UBQLN1: variants seen among roughly 807,000 people sequenced by gnomAD.
UBQLN1 encodes ubiquilin 1.
In UBQLN1, 13 loss-of-function variants were observed where a neutral mutation model predicts 65.4. The observed-to-expected ratio is 0.20, with a 90% CI of 0.13 to 0.32. The LOEUF (loss-of-function observed/expected upper bound fraction) is 0.32. Among genes scored for constraint, UBQLN1 ranks in the 10% least tolerant of loss-of-function variants. The pLI is 1.00. For synonymous variants in UBQLN1, 267 were observed against 247.8 expected, an observed-to-expected ratio of 1.08 and a Z score of -0.73; for missense variants, 561 against 724.0, an observed-to-expected ratio of 0.77 and a Z score of 2.58.
intron 1 of UBQLN1, among the ~76,000 whole-genome samples, chr9:83,705,310 G>T (rs1246113376): frequency 1.5e-5 from 2 of 137,862 alleles, no homozygotes; most frequent in Non-Finnish European, 3.0e-5. Context: ...TCGCAATCTC[G>T]GCTCACTGTA....
chr9:83,673,268 G>A (rs966123276), intron 6 of UBQLN1, among the ~76,000 whole-genome samples: 1 of 151,454 alleles, frequency 6.6e-6, no homozygotes, highest in African/African-American at 2.4e-5. Flanking sequence ...GTCGGGTGCA[G>A]TGACTTACAC....
At chr9:83,695,487 C>T (rs1384302202) in intron 1 of UBQLN1, among the ~76,000 whole-genome samples, 1 of 152,176 alleles carries the variant, frequency 6.6e-6, no homozygotes, top group Non-Finnish European at 1.5e-5. Context: ...CGTGAGGCGC[C>T]ATGCCCAGTC....
At chr9:83,663,250 C>T (rs1324293088) in intron 10 of UBQLN1, among the ~76,000 whole-genome samples, 1 of 152,066 alleles carries the variant, frequency 6.6e-6, no homozygotes, top group Non-Finnish European at 1.5e-5. Flanking sequence ...GACCTTGAGA[C>T]ATTAAGAAGT....
At chr9:83,678,407 C>A in intron 5 of UBQLN1, 34 bp downstream of exon 5, 1 of 1,582,018 alleles carries the variant, frequency 6.3e-7, no homozygotes, top group African/African-American at 1.4e-5. Flanking sequence ...ACAGAAGCTA[C>A]TCCTTGGCCT....
In UBQLN1 at chr9:83,668,346, A is replaced by G. The variant is rs1010677807; in HGVS notation, c.1248+839T>C. The G allele has an allele frequency of 8.1e-6, 8 of 985,288 alleles. No individual in the cohort carries two copies. The African/African-American group carries it at 1.2e-4, about 15-fold the overall frequency. 61.0% of individuals were successfully genotyped at this position (985,288 alleles called of 1,614,324 possible). On this transcript the variant is annotated intron_variant, in intron 7 of 10. Coordinates refer to ENST00000376395, the MANE Select transcript of UBQLN1 (RefSeq NM_013438.5). Reference sequence around the variant, plus strand: ...AAATTTAAGGGATGAGATTAACTATAAAGTCTTCCAAATTCCTGACACACT... The same window carrying G: ...AAATTTAAGGGATGAGATTAACTATGAAGTCTTCCAAATTCCTGACACACT...
chr9:83,668,559 G>C, intron 7 of UBQLN1: 1 of 985,488 alleles, frequency 1.0e-6, no homozygotes, highest in Non-Finnish European at 1.2e-6. Flanking sequence ...CATCGGTACT[G>C]TCTATAAAGC....
chr9:83,671,504 TA>T (rs1831730208), intron 6 of UBQLN1, among the ~76,000 whole-genome samples: 1 of 152,106 alleles, frequency 6.6e-6, no homozygotes, highest in Non-Finnish European at 1.5e-5. Context: ...AAAACAACAT[TA>T]ATCTCCTTGC....
intron 4 of UBQLN1, 25 bp downstream of exon 4, chr9:83,679,750 C>T (rs778919850): frequency 1.3e-5 from 21 of 1,606,452 alleles, no homozygotes; most frequent in East Asian, 4.5e-5. Flanking sequence ...TTTAGCTAAA[C>T]GAACTGAAAG....
chr9:83,694,183 T>G (rs1193717170), intron 1 of UBQLN1, among the ~76,000 whole-genome samples: 1 of 152,262 alleles, frequency 6.6e-6, no homozygotes, highest in South Asian at 2.1e-4. Flanking sequence ...AAAGTAAAAT[T>G]TACTTCAGCT....
At chr9:83,681,280 A>G (rs550844929) in intron 3 of UBQLN1, among the ~76,000 whole-genome samples, 1 of 152,380 alleles carries the variant, frequency 6.6e-6, no homozygotes, top group South Asian at 2.1e-4. Context: ...GTAAAATTAC[A>G]TAACCAACTA....
rs929709133 is a variant in UBQLN1, at chr9:83,662,281, C to T, written c.1618-342G>A. ...GTATATACATATACATATACACACA[C>T]ACACACACACACACACACACACACA... is the stretch of plus-strand genomic sequence containing the variant. On this transcript the variant is annotated intron_variant, in intron 10 of 10. Coordinates refer to ENST00000376395, the MANE Select transcript of UBQLN1 (RefSeq NM_013438.5). 8.1e-3 allele frequency among the ~76,000 whole-genome samples: 729 copies of T among 89,830 alleles called. 8 individuals carry two copies. The highest frequency in any genetic ancestry group is 0.038 in the African/African-American group (681 of 18,002). 58.9% of individuals were successfully genotyped at this position (89,830 alleles called of 152,430 possible).
intron 7 of UBQLN1, chr9:83,667,824 C>A: frequency 1.0e-6 from 1 of 975,308 alleles, no homozygotes; most frequent in Non-Finnish European, 1.2e-6. Flanking sequence ...AGAAAAACCA[C>A]AAATTTTAAT....
rs149910049 is a variant in UBQLN1, at chr9:83,677,517, G to A, written c.1105+210C>T. 9.3e-3 allele frequency among the ~76,000 whole-genome samples: 1,423 copies of A among 152,266 alleles called. 34 individuals carry two copies. Among genetic ancestry groups the A allele is most frequent in the East Asian group, 0.045 (235 of 5,176 alleles). On this transcript the variant is annotated intron_variant, in intron 6 of 10. Transcript: ENST00000376395. ...GAAGAGGTTGCGGTGAGCTGAGATCGTGCCATTGTACTCCAGCCTGTGCAA... is the reference window on the plus strand; with the variant it reads ...GAAGAGGTTGCGGTGAGCTGAGATCATGCCATTGTACTCCAGCCTGTGCAA...
At chr9:83,694,594 C>T (rs1405047287) in intron 1 of UBQLN1, among the ~76,000 whole-genome samples, 1 of 152,104 alleles carries the variant, frequency 6.6e-6, no homozygotes, top group African/African-American at 2.4e-5. Flanking sequence ...GTTAGTGTAT[C>T]GTTCAGAAAA....
rs77515396 is a variant in UBQLN1, at chr9:83,673,568, CA to C, written c.1105+4158del. The stretch of plus-strand genomic sequence containing the variant: ...TTTTAAAAAAAAAAAAAAAAAAAAA[CA>C]AAAAAAAAAAACTGCGCTTACGTTT... On this transcript the variant is annotated intron_variant, in intron 6 of 10. Coordinates refer to ENST00000376395, the MANE Select transcript of UBQLN1 (RefSeq NM_013438.5). 0.012 allele frequency among the ~76,000 whole-genome samples: 987 copies of C among 82,640 alleles called. 37 individuals carry two copies. In the East Asian group the frequency reaches 0.21, roughly 17 times the overall value. The allele number at this position is 82,640 out of a possible 152,430, so 54.2% of individuals were successfully genotyped here.
chr9:83,707,854 T>A lies in UBQLN1; in HGVS notation c.-175A>T. ...GCGGGTGTGGGGCCCCGGAGCTCGG[T>A]GCAGGCTCTGGCGCAGGCCCGGGTC... On this transcript the variant is annotated 5_prime_UTR_variant, in exon 1 of 11. Coordinates refer to ENST00000376395, the MANE Select transcript of UBQLN1 (RefSeq NM_013438.5). 2.1e-6 allele frequency: 2 copies of A among 959,742 alleles called. No homozygotes were observed. The highest frequency in any genetic ancestry group is 1.9e-5 in the South Asian group (1 of 52,274). 59.5% of individuals were successfully genotyped at this position (959,742 alleles called of 1,614,324 possible). A position where few individuals can be genotyped will look rare whatever the true frequency, so the allele number is the denominator to read the frequency against.
intron 6 of UBQLN1, among the ~76,000 whole-genome samples, chr9:83,677,106 A>C (rs1831846641): frequency 6.6e-6 from 1 of 152,226 alleles, no homozygotes; most frequent in South Asian, 2.1e-4. Context: ...TGATGCAGCC[A>C]GTATAGCCCT....
chr9:83,662,273 TACACACACACACACACACACAC>T (rs370539805), intron 10 of UBQLN1, among the ~76,000 whole-genome samples: 1 of 143,350 alleles, frequency 7.0e-6, no homozygotes. Context: ...CATATACATA[TACACACACACACACACACACAC>T]ACACACACAC....
At chr9:83,665,215 C>T in intron 8 of UBQLN1, 70 bp from the exon 9 acceptor site, 1 of 1,142,154 alleles carries the variant, frequency 8.8e-7, no homozygotes, top group Non-Finnish European at 1.3e-6. Context: ...TAAATCTTTT[C>T]TCTGTTATGC....
Sources: gnomAD v4.1 joint callset for allele counts (sites outside exome capture counted in the v4.1 genomes callset) on GRCh38, gnomAD v4.1.1 for gene constraint, MANE v1.5 for transcripts, NCBI Gene and HGNC (gene_info 2026-07-23, HGNC 2026-07-21) for gene names.